The following R3HCC1L variants were observed in gnomAD, a reference collection of about 807,000 sequenced individuals.
R3HCC1L encodes the protein coiled-coil domain-containing protein R3HCC1L.
Under a neutral mutation model 59.9 loss-of-function variants are expected in R3HCC1L, and 51 were observed. The ratio of observed to expected loss-of-function variants is 0.85; its 90% confidence interval spans 0.68 to 1.07. The LOEUF is 1.07. Ranked by LOEUF, R3HCC1L falls within the 50% of genes least tolerant of loss-of-function variation. The probability of loss-of-function intolerance (pLI) is 0.00; values close to 1 mark genes in which losing one functional copy is unlikely to be tolerated. For synonymous variants in R3HCC1L, 322 were observed against 315.2 expected (o/e 1.02, Z -0.23); for missense variants, 965 against 933.0 (o/e 1.03, Z -0.45).
chr10:98,220,251 T>C (rs1467698942), intron 5 of R3HCC1L, among the ~76,000 whole-genome samples: 1 of 152,106 alleles, frequency 6.6e-6, no homozygotes, highest in Non-Finnish European at 1.5e-5. Flanking sequence ...GAATTTCTCA[T>C]TGAGGTCATG....
intron 5 of R3HCC1L, among the ~76,000 whole-genome samples, chr10:98,224,654 T>A (rs1054819795): frequency 5.3e-5 from 8 of 152,218 alleles, no homozygotes; most frequent in African/African-American, 1.9e-4. Flanking sequence ...CTATTTAAGA[T>A]CCTAAAAATA....
At chr10:98,173,676 G>GTGAT (rs1848731716) in intron 4 of R3HCC1L, among the ~76,000 whole-genome samples, 1 of 152,098 alleles carries the variant, frequency 6.6e-6, no homozygotes, top group Non-Finnish European at 1.5e-5. Context: ...AGAGTGGGCA[G>GTGAT]TGATTAATCA....
chr10:98,223,827 A>G (rs1234006969), intron 5 of R3HCC1L, among the ~76,000 whole-genome samples: 1 of 152,150 alleles, frequency 6.6e-6, no homozygotes, highest in Non-Finnish European at 1.5e-5. Context: ...GAGTCTGGAC[A>G]GGCTGATCCT....
At chr10:98,167,344 C>G (rs1309083535) in intron 4 of R3HCC1L, among the ~76,000 whole-genome samples, 7 of 152,166 alleles carry the variant, frequency 4.6e-5, no homozygotes. Context: ...TTTTCTTTGC[C>G]TGAAACTTGC....
chr10:98,235,265 T>C (rs552985239), intron 7 of R3HCC1L, among the ~76,000 whole-genome samples, 160 bp from the exon 8 acceptor site: 1 of 152,344 alleles, frequency 6.6e-6, no homozygotes, highest in South Asian at 2.1e-4. Flanking sequence ...TGCTGATACC[T>C]GATCTAAAAT....
intron 4 of R3HCC1L, among the ~76,000 whole-genome samples, chr10:98,189,347 T>C (rs1850585814): frequency 6.6e-6 from 1 of 152,188 alleles, no homozygotes; most frequent in Admixed American, 6.5e-5. Flanking sequence ...CATCACCTTA[T>C]ACATGGCGCA....
At chr10:98,204,596 G>A (rs1420794470) in intron 4 of R3HCC1L, among the ~76,000 whole-genome samples, 1 of 152,096 alleles carries the variant, frequency 6.6e-6, no homozygotes, top group East Asian at 1.9e-4. Context: ...AATTAAATTG[G>A]CAATATAGTG....
At chr10:98,142,982 A>AC (rs1564981072) in intron 1 of R3HCC1L, among the ~76,000 whole-genome samples, 1 of 151,746 alleles carries the variant, frequency 6.6e-6, no homozygotes, top group Non-Finnish European at 1.5e-5. Context: ...AAAAAAACAG[A>AC]AGAAGAAGAA....
chr10:98,226,748 T>C (rs1238029774), intron 5 of R3HCC1L, among the ~76,000 whole-genome samples: 1 of 152,260 alleles, frequency 6.6e-6, no homozygotes, highest in Non-Finnish European at 1.5e-5. Flanking sequence ...CTTTTGTCCC[T>C]GGCCTCTGAG....
rs1400173046 is a variant in R3HCC1L at position 98,134,710 on chromosome 10, A to G, written c.-268+4A>G. On this transcript the variant is annotated splice_donor_region_variant and intron_variant, in intron 1 of 9. Coordinates refer to ENST00000298999, the MANE Select transcript of R3HCC1L (RefSeq NM_001351015.2). The stretch of plus-strand genomic sequence containing the variant: ...AGCGGAGAGCAACAGCGCGCCGGTA[A>G]CAACCAGCCCCGTATCCCCTCCCTC... 1.3e-5 allele frequency: 2 copies of G among 152,414 alleles called. No individual in the cohort carries two copies. Among genetic ancestry groups the G allele is most frequent in the Admixed American group, 6.5e-5 (1 of 15,304 alleles). The allele number at this position is 152,414 out of a possible 1,614,324, so 9.4% of individuals were successfully genotyped here. A position where few individuals can be genotyped will look rare whatever the true frequency, so the allele number is the denominator to read the frequency against.
At chr10:98,157,199 C>G (rs532583844) in intron 2 of R3HCC1L, among the ~76,000 whole-genome samples, 7 of 152,110 alleles carry the variant, frequency 4.6e-5, no homozygotes, top group Non-Finnish European at 1.0e-4. Flanking sequence ...CCCCAGTGTT[C>G]TGAAGTTTCA....
chr10:98,239,165 G>C (rs558249940), intron 9 of R3HCC1L, among the ~76,000 whole-genome samples: 17 of 152,280 alleles, frequency 1.1e-4, no homozygotes, highest in African/African-American at 4.1e-4. Flanking sequence ...ATGTAAAAAT[G>C]TTTGGAAAAG....
intron 5 of R3HCC1L, among the ~76,000 whole-genome samples, chr10:98,222,729 A>C (rs1317624714): frequency 6.6e-6 from 1 of 152,164 alleles, no homozygotes; most frequent in Non-Finnish European, 1.5e-5. Flanking sequence ...AAAACCCTTC[A>C]AAAAATTAAT....
intron 1 of R3HCC1L, among the ~76,000 whole-genome samples, chr10:98,143,227 G>C (rs1440687315): frequency 6.6e-6 from 1 of 152,164 alleles, no homozygotes; most frequent in Non-Finnish European, 1.5e-5. Flanking sequence ...GAACTTTTGT[G>C]CTTTCATTTC....
chr10:98,221,933 G>A (rs548200705), intron 5 of R3HCC1L, among the ~76,000 whole-genome samples: 3 of 152,184 alleles, frequency 2.0e-5, no homozygotes, highest in Non-Finnish European at 2.9e-5. Flanking sequence ...TTAGTAGCTT[G>A]ATGGGGATGG....
chr10:98,188,557 G>A (rs898533040), intron 4 of R3HCC1L, among the ~76,000 whole-genome samples: 1 of 152,128 alleles, frequency 6.6e-6, no homozygotes, highest in East Asian at 1.9e-4. Flanking sequence ...TTCCTTATCA[G>A]CTTTGTTGAA....
chr10:98,135,262 C>A (rs995350162), intron 1 of R3HCC1L, among the ~76,000 whole-genome samples: 1 of 152,202 alleles, frequency 6.6e-6, no homozygotes, highest in Non-Finnish European at 1.5e-5. Context: ...AGTGCAGCCC[C>A]CTCTCAGTTG....
intron 4 of R3HCC1L, among the ~76,000 whole-genome samples, chr10:98,171,481 C>G (rs1848502433): frequency 6.6e-6 from 1 of 152,116 alleles, no homozygotes; most frequent in Admixed American, 6.5e-5. Flanking sequence ...ATCATGACAT[C>G]AAATAGAAAG....
intron 4 of R3HCC1L, among the ~76,000 whole-genome samples, chr10:98,196,578 A>G (rs1225031362): frequency 6.6e-6 from 1 of 152,096 alleles, no homozygotes; most frequent in Non-Finnish European, 1.5e-5. Context: ...TATTTTTTGT[A>G]GAGAAAGGGT....
Sources: allele counts gnomAD v4.1 joint callset (sites outside exome capture counted in the v4.1 genomes callset), GRCh38; gene constraint gnomAD v4.1.1; transcripts MANE v1.5; gene names NCBI Gene and HGNC (gene_info 2026-07-23, HGNC 2026-07-21).